NOTCH2NLR: variants seen among roughly 807,000 people sequenced by gnomAD.
NOTCH2NLR encodes the protein notch 2 N-terminal like R (pseudogene).
A neutral mutation model predicts 35.6 loss-of-function variants in NOTCH2NLR; 33 were observed. The observed-to-expected ratio is 0.93, with a 90% CI of 0.70 to 1.24. The LOEUF (loss-of-function observed/expected upper bound fraction) is 1.24, where lower values mean the gene tolerates loss of function less well. Ranked by LOEUF, NOTCH2NLR falls within the 50% of genes most tolerant of loss-of-function variation. The probability of loss-of-function intolerance (pLI) is 0.00; values close to 1 mark genes in which losing one functional copy is unlikely to be tolerated. For missense variants in NOTCH2NLR, 276 were observed against 362.2 expected, an observed-to-expected ratio of 0.76 and a Z score of 1.93; for synonymous variants, 103 against 141.0, an observed-to-expected ratio of 0.73 and a Z score of 1.91.
At position 120,793,271 on chromosome 1, in the gene NOTCH2NLR, G is replaced by A. The variant is rs1651513504; in HGVS notation, c.526G>A (p.Gly176Arg). The A allele has an allele frequency of 7.2e-6, 10 of 1,397,744 alleles. 1 individual carries two copies. Among genetic ancestry groups the A allele is most frequent in the Admixed American group, 2.0e-5 (1 of 50,844 alleles). The allele number at this position is 1,397,744 out of a possible 1,614,324, so 86.6% of individuals were successfully genotyped here. Residue 176 changes from glycine (G) to arginine (R), a missense_variant, in exon 4 of 5, where the codon GGG becomes AGG. Transcript: ENST00000624419. ...CTGCAAATGCCTCACAGGCTTCACA[G>A]GGCAGAAGTGTGAGACTGATGTCAA...
rs1287424079 is a variant in NOTCH2NLR at position 120,724,638 on chromosome 1, G to A, written c.73+388G>A. Among the ~76,000 whole-genome samples the A allele has an allele frequency of 8.7e-3, 1,061 of 122,088 alleles. 340 individuals are homozygous for A. The highest frequency in any genetic ancestry group is 0.042 in the African/African-American group (1,021 of 24,112). The allele number at this position is 122,088 out of a possible 152,430, so 80.1% of individuals were successfully genotyped here. A position where few individuals can be genotyped will look rare whatever the true frequency, so the allele number is the denominator to read the frequency against. On this transcript the variant is annotated intron_variant, in intron 1 of 4. Transcript: ENST00000624419. ...ACGGCGGGCCTCGGAGGGGCTGAGC[G>A]AAGGAATGCCAGATTCTGGCGTGGA... is the stretch of plus-strand genomic sequence containing the variant.
intron 1 of NOTCH2NLR, among the ~76,000 whole-genome samples, chr1:120,756,499 A>T (rs1651081616): frequency 8.5e-6 from 1 of 117,160 alleles, no homozygotes; most frequent in Non-Finnish European, 1.6e-5. Context: ...GCAGATAGGG[A>T]GAAGGATATG....
chr1:120,752,765 G>A lies in NOTCH2NLR; in HGVS notation c.74-10863G>A, dbSNP rs1651040407. On this transcript the variant is annotated intron_variant, in intron 1 of 4. Coordinates refer to ENST00000624419, the Ensembl canonical transcript of NOTCH2NLR. Reference sequence around the variant, plus strand: ...TTTTTTTTGTACTTTTAGTAGAGATGTGGTTTCACCGTGTTAGCCAGGATG... The same window carrying A: ...TTTTTTTTGTACTTTTAGTAGAGATATGGTTTCACCGTGTTAGCCAGGATG... Among the ~76,000 whole-genome samples, 2 of 48,138 alleles carry A rather than the reference G, an allele frequency of 4.2e-5. 1 individual carries two copies. The highest frequency in any genetic ancestry group is 6.6e-5 in the Non-Finnish European group (2 of 30,254). The allele number at this position is 48,138 out of a possible 152,430, so 31.6% of individuals were successfully genotyped here. A position where few individuals can be genotyped will look rare whatever the true frequency, so the allele number is the denominator to read the frequency against.
intron 1 of NOTCH2NLR, among the ~76,000 whole-genome samples, chr1:120,742,256 T>A (rs1650946828): frequency 7.4e-5 from 1 of 13,448 alleles, no homozygotes; most frequent in Non-Finnish European, 1.1e-4. Flanking sequence ...AAATTTCAAA[T>A]TAAAAAATTT....
rs1482239909 is a variant in NOTCH2NLR at position 120,778,542 on chromosome 1, T to G, written c.156-6432T>G. ...TTGTAAAGCATGCCTCTCTTTTTCT[T>G]CTTGTATGTGGTGGGATTTTGCTTT... is the stretch of plus-strand genomic sequence containing the variant. On this transcript the variant is annotated intron_variant, in intron 2 of 4. Transcript: ENST00000624419. Among the ~76,000 whole-genome samples, 3 of 74,846 alleles carry G rather than the reference T, an allele frequency of 4.0e-5. No individual in the cohort carries two copies. The East Asian group carries it at 9.2e-4, about 23-fold the overall frequency. 49.1% of individuals were successfully genotyped at this position (74,846 alleles called of 152,430 possible). A position where few individuals can be genotyped will look rare whatever the true frequency, so the allele number is the denominator to read the frequency against.
chr1:120,730,537 C>G (rs1459114633), intron 1 of NOTCH2NLR, among the ~76,000 whole-genome samples: 1 of 102,076 alleles, frequency 9.8e-6, no homozygotes, highest in Non-Finnish European at 1.8e-5. Context: ...TGAGACGGGA[C>G]AAACTGCATC....
chr1:120,786,384 A>G (rs1413469199), intron 3 of NOTCH2NLR, among the ~76,000 whole-genome samples: 1 of 110,094 alleles, frequency 9.1e-6, no homozygotes, highest in African/African-American at 5.8e-5. Context: ...GGGCCATGTT[A>G]TCTCTCACCT....
At chr1:120,788,114 C>A (rs1406997778) in intron 3 of NOTCH2NLR, among the ~76,000 whole-genome samples, 5 of 61,064 alleles carry the variant, frequency 8.2e-5, no homozygotes, top group Non-Finnish European at 1.4e-4. Context: ...TTGTAGTTGC[C>A]CATTGACCTT....
At chr1:120,781,914 T>A (rs1651366680) in intron 2 of NOTCH2NLR, among the ~76,000 whole-genome samples, 2 of 111,046 alleles carry the variant, frequency 1.8e-5, no homozygotes, top group Non-Finnish European at 3.4e-5. Flanking sequence ...AAAATGGAGA[T>A]TATAATATAG....
chr1:120,781,458 T>C, intron 2 of NOTCH2NLR, among the ~76,000 whole-genome samples: 1 of 32,940 alleles, frequency 3.0e-5, no homozygotes, highest in Non-Finnish European at 5.0e-5. Context: ...TTTGATGAAC[T>C]GGAGTCATCC....
At chr1:120,752,663 C>T (rs1171603159) in intron 1 of NOTCH2NLR, among the ~76,000 whole-genome samples, 1 of 42,518 alleles carries the variant, frequency 2.4e-5, no homozygotes, top group East Asian at 5.9e-4. Flanking sequence ...CTCCGCCTCC[C>T]GGGTTCATGC....
chr1:120,793,497 G>A lies in NOTCH2NLR; in HGVS notation c.751+1G>A, dbSNP rs1651518624. The A allele has an allele frequency of 4.1e-5, 51 of 1,252,278 alleles. 9 individuals are homozygous for A. In the South Asian group the frequency reaches 5.4e-4, roughly 13 times the overall value. 77.6% of individuals were successfully genotyped at this position (1,252,278 alleles called of 1,614,324 possible). On this transcript the variant is annotated splice_donor_variant, in intron 4 of 4. Coordinates refer to ENST00000624419, the Ensembl canonical transcript of NOTCH2NLR. LOFTEE classifies it high-confidence loss of function. Reference sequence around the variant, plus strand: ...ACTTTTGAGTGCAACTGCCTTCCAGGTAAGGAGCTCCCTAGTGTCCCAGGA... The same window carrying A: ...ACTTTTGAGTGCAACTGCCTTCCAGATAAGGAGCTCCCTAGTGTCCCAGGA...
chr1:120,779,576 A>G (rs1485956933), intron 2 of NOTCH2NLR, among the ~76,000 whole-genome samples: 1 of 121,606 alleles, frequency 8.2e-6, no homozygotes, highest in Non-Finnish European at 1.7e-5. Flanking sequence ...AGTTTTGCGG[A>G]TGAAAGGCAT....
intron 1 of NOTCH2NLR, among the ~76,000 whole-genome samples, chr1:120,733,113 T>TTATA (rs1257251313): frequency 1.1e-4 from 9 of 85,042 alleles, no homozygotes; most frequent in East Asian, 8.0e-4. Context: ...TGATTTATTT[T>TTATA]TATATATATA....
chr1:120,790,340 C>T lies in NOTCH2NLR; in HGVS notation c.416-2821C>T, dbSNP rs2101465385. 1.8e-5 allele frequency among the ~76,000 whole-genome samples: 2 copies of T among 113,240 alleles called. 1 individual carries two copies. Among genetic ancestry groups the T allele is most frequent in the Non-Finnish European group, 3.3e-5 (2 of 59,808 alleles). The allele number at this position is 113,240 out of a possible 152,430, so 74.3% of individuals were successfully genotyped here. Reference sequence around the variant, plus strand: ...ATTCTGATCATCTTTTATACATATGCTATTTTTGTCTATCACTTTAGGAAT... The same window carrying T: ...ATTCTGATCATCTTTTATACATATGTTATTTTTGTCTATCACTTTAGGAAT... On this transcript the variant is annotated intron_variant, in intron 3 of 4. Transcript: ENST00000624419.
In NOTCH2NLR at chr1:120,727,135, G is replaced by GA. The variant is rs1324444890; in HGVS notation, c.73+2892dup. 2.3e-4 allele frequency among the ~76,000 whole-genome samples: 25 copies of GA among 106,880 alleles called. 4 individuals carry two copies. Among genetic ancestry groups the GA allele is most frequent in the African/African-American group, 1.3e-3 (23 of 17,836 alleles). The allele number at this position is 106,880 out of a possible 152,430, so 70.1% of individuals were successfully genotyped here. A position where few individuals can be genotyped will look rare whatever the true frequency, so the allele number is the denominator to read the frequency against. ...CCTCCCTACCTCTCCCATTATGGTAGAAAAAAACTCTGTGTCCTGGCTACA... is the reference window on the plus strand; with the variant it reads ...CCTCCCTACCTCTCCCATTATGGTAGAAAAAAAACTCTGTGTCCTGGCTACA... On this transcript the variant is annotated intron_variant, in intron 1 of 4. Coordinates refer to ENST00000624419, the Ensembl canonical transcript of NOTCH2NLR.
At position 120,777,439 on chromosome 1, in the gene NOTCH2NLR, G is replaced by C. The variant is rs1230519460; in HGVS notation, c.156-7535G>C. ...TTTGTGTATTAGTTGTGATAAAAGT[G>C]TGTATGTGTGTGTGTACGTGTGTGA... On this transcript the variant is annotated intron_variant, in intron 2 of 4. Coordinates refer to ENST00000624419, the Ensembl canonical transcript of NOTCH2NLR. Among the ~76,000 whole-genome samples, 15 of 100,036 alleles carry C rather than the reference G, an allele frequency of 1.5e-4. 3 individuals carry two copies. In the East Asian group the frequency reaches 3.5e-3, roughly 23 times the overall value. The allele number at this position is 100,036 out of a possible 152,430, so 65.6% of individuals were successfully genotyped here.
In NOTCH2NLR at chr1:120,793,733, T is replaced by C; in HGVS notation, c.752-14T>C. The C allele has an allele frequency of 1.4e-6, 1 of 707,426 alleles. No individual in the cohort carries two copies. Among genetic ancestry groups the C allele is most frequent in the Non-Finnish European group, 2.4e-6 (1 of 417,364 alleles). The allele number at this position is 707,426 out of a possible 1,614,324, so 43.8% of individuals were successfully genotyped here. ...GATGAGTGGCTAGAAAATTGTTTAT[T>C]GTCCCTTTTGTAGAAACAGTGAGAA... On this transcript the variant is annotated splice_polypyrimidine_tract_variant and intron_variant, in intron 4 of 4. Coordinates refer to ENST00000624419, the Ensembl canonical transcript of NOTCH2NLR.
chr1:120,758,236 C>T lies in NOTCH2NLR; in HGVS notation c.74-5392C>T. 1.7e-5 allele frequency among the ~76,000 whole-genome samples: 2 copies of T among 120,790 alleles called. 1 individual carries two copies. The highest frequency in any genetic ancestry group is 8.4e-5 in the African/African-American group (2 of 23,730). 79.2% of individuals were successfully genotyped at this position (120,790 alleles called of 152,430 possible). A position where few individuals can be genotyped will look rare whatever the true frequency, so the allele number is the denominator to read the frequency against. On this transcript the variant is annotated intron_variant, in intron 1 of 4. Coordinates refer to ENST00000624419, the Ensembl canonical transcript of NOTCH2NLR. ...CTGATCTGGAAGGCCAGCATGGGAG[C>T]CTAGACTGGTTAAAGTAAGAAATGG...
Sources: gnomAD v4.1 joint callset for allele counts (sites outside exome capture counted in the v4.1 genomes callset) on GRCh38, gnomAD v4.1.1 for gene constraint, MANE v1.5 for transcripts, NCBI Gene and HGNC (gene_info 2026-07-23, HGNC 2026-07-21) for gene names.